The following TNIP3 variants were observed in gnomAD, a reference collection of about 807,000 sequenced individuals.
TNIP3 encodes TNFAIP3 interacting protein 3.
A neutral mutation model predicts 54.1 loss-of-function variants in TNIP3; 34 were observed. The ratio of observed to expected loss-of-function variants is 0.63; its 90% CI spans 0.48 to 0.84. The LOEUF (loss-of-function observed/expected upper bound fraction) is 0.84. Among genes scored for constraint, TNIP3 ranks in the 40% least tolerant of loss-of-function variants. The probability of loss-of-function intolerance (pLI) is 0.00; values close to 1 mark genes in which losing one functional copy is unlikely to be tolerated. For missense variants in TNIP3, 366 were observed against 387.6 expected, an observed-to-expected ratio of 0.94 and a Z score of 0.47; for synonymous variants, 134 against 136.8, an observed-to-expected ratio of 0.98 and a Z score of 0.14.
intron 2 of TNIP3, among the ~76,000 whole-genome samples, chr4:121,201,741 T>A (rs1216270297): frequency 6.6e-6 from 1 of 152,340 alleles, no homozygotes; most frequent in East Asian, 1.9e-4. Flanking sequence ...ACACACATAT[T>A]CATTTATTCA....
At chr4:121,139,259 T>G (rs12648211) in intron 9 of TNIP3, among the ~76,000 whole-genome samples, 1 of 152,174 alleles carries the variant, frequency 6.6e-6, no homozygotes, top group Non-Finnish European at 1.5e-5. Flanking sequence ...TAGTTTAGTC[T>G]ACAGAGACAA....
intron 3 of TNIP3, among the ~76,000 whole-genome samples, chr4:121,176,582 A>G (rs1177775799): frequency 1.3e-5 from 2 of 151,806 alleles, no homozygotes; most frequent in Non-Finnish European, 1.5e-5. Flanking sequence ...AGCACTTTAT[A>G]TTTACAGGGT....
intron 2 of TNIP3, among the ~76,000 whole-genome samples, chr4:121,202,939 T>C (rs1008274616): frequency 5.3e-5 from 8 of 152,058 alleles, no homozygotes; most frequent in Admixed American, 5.2e-4. Flanking sequence ...GATGTTGGCA[T>C]GGATGTGGTG....
chr4:121,164,754 G>A (rs2148817549), upstream of TNIP3, among the ~76,000 whole-genome samples: 1 of 152,270 alleles, frequency 6.6e-6, no homozygotes, highest in South Asian at 2.1e-4. Flanking sequence ...ATAATTCATT[G>A]TAAAGAAAAT....
At chr4:121,163,936 G>A (rs1730609369) in intron 1 of TNIP3, 124 bp downstream of exon 1, 1 of 1,125,018 alleles carries the variant, frequency 8.9e-7, no homozygotes, top group Middle Eastern at 2.8e-4. Context: ...AAAATATAGA[G>A]CAAATCTTAG....
At chr4:121,160,779 C>A (rs1289013086) in intron 2 of TNIP3, among the ~76,000 whole-genome samples, 1 of 152,012 alleles carries the variant, frequency 6.6e-6, no homozygotes, top group Non-Finnish European at 1.5e-5. Context: ...CAAGGTGTGT[C>A]AAGTTGCAAG....
At chr4:121,198,957 C>G (rs1302526540) in intron 2 of TNIP3, among the ~76,000 whole-genome samples, 2 of 152,030 alleles carry the variant, frequency 1.3e-5, no homozygotes, top group Non-Finnish European at 2.9e-5. Flanking sequence ...ACATGTAAAC[C>G]TTTAAAAGAC....
intron 2 of TNIP3, among the ~76,000 whole-genome samples, chr4:121,193,578 A>G (rs1725415407): frequency 6.6e-6 from 1 of 152,174 alleles, no homozygotes; most frequent in African/African-American, 2.4e-5. Flanking sequence ...AATCTCAGTA[A>G]GAAGTATCAA....
At chr4:121,180,144 T>C (rs907993588) in intron 3 of TNIP3, among the ~76,000 whole-genome samples, 4 of 152,156 alleles carry the variant, frequency 2.6e-5, no homozygotes, top group African/African-American at 9.7e-5. Flanking sequence ...CTCACGCCTG[T>C]AATCCCAACA....
intron 2 of TNIP3, among the ~76,000 whole-genome samples, chr4:121,215,292 C>G (rs575700713): frequency 1.5e-4 from 23 of 152,186 alleles, no homozygotes; most frequent in African/African-American, 5.5e-4. Flanking sequence ...GATCTCAGAA[C>G]CCTAGTTTAA....
chr4:121,222,953 C>T (rs1727100680), intron 1 of TNIP3, among the ~76,000 whole-genome samples: 1 of 151,828 alleles, frequency 6.6e-6, no homozygotes. Flanking sequence ...CTACAGGCGC[C>T]CACCACCACG....
chr4:121,222,804 G>GTTTTTTTTTT (rs138758827), intron 1 of TNIP3, among the ~76,000 whole-genome samples: 8 of 105,764 alleles, frequency 7.6e-5, no homozygotes, highest in African/African-American at 3.0e-4. Context: ...TTTTTTGTGC[G>GTTTTTTTTTT]TTTTTTTTTT....
chr4:121,213,853 C>T (rs28452943), intron 2 of TNIP3, among the ~76,000 whole-genome samples: 1 of 151,866 alleles, frequency 6.6e-6, no homozygotes, highest in Non-Finnish European at 1.5e-5. Flanking sequence ...AAAAGGATGA[C>T]CCCAGGATCA....
chr4:121,194,156 T>C (rs1725445415), intron 2 of TNIP3, among the ~76,000 whole-genome samples: 1 of 152,182 alleles, frequency 6.6e-6, no homozygotes, highest in East Asian at 1.9e-4. Context: ...TGGTATATCC[T>C]TGTTTAAGGA....
At chr4:121,161,310 T>G in intron 1 of TNIP3, 94 bp from the exon 2 acceptor site, 4 of 1,052,320 alleles carry the variant, frequency 3.8e-6, no homozygotes, top group South Asian at 1.5e-5. Flanking sequence ...TTTGGCCAAC[T>G]CTCCTGTTGC....
rs1725782243 is a variant in TNIP3, at chr4:121,199,753, AC to A, written c.68+16661del. On this transcript the variant is annotated intron_variant, in intron 2 of 12. Transcript: ENST00000507879. ...AGAATAGAGGCATCATTCTTTTGGT[AC>A]CCTCAGATAAGAAAGGAAACCAAGG... Among the ~76,000 whole-genome samples, 9 of 152,330 alleles carry A rather than the reference AC, an allele frequency of 5.9e-5. No homozygotes were observed. In the South Asian group the frequency reaches 1.9e-3, roughly 32 times the overall value.
At position 121,147,021 on chromosome 4, in the gene TNIP3, G is replaced by C. The variant is rs374546600; in HGVS notation, c.735+28C>G. On this transcript the variant is annotated intron_variant, in intron 7 of 10. Transcript: ENST00000057513. ...ATGAAAAAAATATACATACATGCTG[G>C]CAAAGATTATTTTGTTTTGACTTGT... 962 of 1,587,002 alleles carry C rather than the reference G, an allele frequency of 6.1e-4. 1 individual carries two copies. Among genetic ancestry groups the C allele is most frequent in the Non-Finnish European group, 7.8e-4 (907 of 1,169,836 alleles).
intron 5 of TNIP3, among the ~76,000 whole-genome samples, chr4:121,151,808 A>T (rs1451387105): frequency 6.6e-6 from 1 of 152,230 alleles, no homozygotes; most frequent in East Asian, 1.9e-4. Flanking sequence ...TGAGTCTAAT[A>T]GATATTTATT....
intron 10 of TNIP3, chr4:121,137,409 T>C (rs979386386): frequency 6.6e-6 from 1 of 152,230 alleles, no homozygotes. Flanking sequence ...ACTGGCTATA[T>C]TTGTAGTAGA....
Sources: allele counts gnomAD v4.1 joint callset (sites outside exome capture counted in the v4.1 genomes callset), GRCh38; gene constraint gnomAD v4.1.1; transcripts MANE v1.5; gene names NCBI Gene and HGNC (gene_info 2026-07-23, HGNC 2026-07-21).